The following YJU2 variants were observed in gnomAD, a reference collection of about 807,000 sequenced individuals.
YJU2 encodes YJU2 splicing factor homolog.
A neutral mutation model predicts 39.6 loss-of-function variants in YJU2; 28 were observed. The observed-to-expected ratio is 0.71, with a 90% confidence interval of 0.52 to 0.97. The LOEUF (loss-of-function observed/expected upper bound fraction) is 0.97, where lower values mean the gene tolerates loss of function less well. YJU2 is among the 50% of genes least tolerant of loss of function. The pLI is 0.00. For missense variants in YJU2, 328 were observed against 430.4 expected (o/e 0.76, Z 2.11); for synonymous variants, 184 against 182.4 (o/e 1.01, Z -0.07).
chr19:4,256,786 G>A lies in YJU2; in HGVS notation c.406-1456G>A, dbSNP rs189410239. Reference sequence around the variant, plus strand: ...TGTTGGCTGTCAGCCTCAGTTCCTCGCTGTGTGGGGAGCTGCTTGAGCAAC... The same window carrying A: ...TGTTGGCTGTCAGCCTCAGTTCCTCACTGTGTGGGGAGCTGCTTGAGCAAC... On this transcript the variant is annotated intron_variant, in intron 4 of 7. Transcript: ENST00000262962. 4.4e-3 allele frequency among the ~76,000 whole-genome samples: 670 copies of A among 152,220 alleles called. 2 individuals are homozygous for A. Among genetic ancestry groups the A allele is most frequent in the Non-Finnish European group, 5.4e-3 (368 of 68,038 alleles).
In YJU2 at chr19:4,258,103, G is replaced by T. The variant is rs1971037214; in HGVS notation, c.406-139G>T. 3 of 1,272,656 alleles carry T rather than the reference G, an allele frequency of 2.4e-6. No individual in the cohort carries two copies. In the Admixed American group the frequency reaches 7.7e-5, roughly 33 times the overall value. 78.8% of individuals were successfully genotyped at this position (1,272,656 alleles called of 1,614,324 possible). Reference sequence around the variant, plus strand: ...TGAAATGGACACAGCGCTGGGCATGGGCAGGGGGTTCCCTGAGCAGGATGG... The same window carrying T: ...TGAAATGGACACAGCGCTGGGCATGTGCAGGGGGTTCCCTGAGCAGGATGG... On this transcript the variant is annotated intron_variant, in intron 4 of 7. Transcript: ENST00000262962.
chr19:4,262,997 C>G (rs1971084511), intron 6 of YJU2, among the ~76,000 whole-genome samples: 1 of 151,138 alleles, frequency 6.6e-6, no homozygotes, highest in South Asian at 2.1e-4. Flanking sequence ...TCGCTTGAAC[C>G]CGGGAGGCGG....
At chr19:4,262,571 C>G (rs1454445770) in intron 6 of YJU2, among the ~76,000 whole-genome samples, 1 of 152,096 alleles carries the variant, frequency 6.6e-6, no homozygotes, top group Non-Finnish European at 1.5e-5. Flanking sequence ...CCAAAACACC[C>G]ATGATCAGGT....
chr19:4,257,173 A>G (rs560305512), intron 4 of YJU2, among the ~76,000 whole-genome samples: 2 of 152,276 alleles, frequency 1.3e-5, no homozygotes, highest in African/African-American at 4.8e-5. Context: ...CGCCTCCCTC[A>G]GCCTCAGTTT....
At chr19:4,253,663 T>A (rs1970996005) in intron 3 of YJU2, among the ~76,000 whole-genome samples, 1 of 152,212 alleles carries the variant, frequency 6.6e-6, no homozygotes, top group Admixed American at 6.6e-5. Context: ...CACTTTTCTG[T>A]TCCAGTGTGT....
At chr19:4,257,360 C>T (rs1971029790) in intron 4 of YJU2, among the ~76,000 whole-genome samples, 1 of 152,228 alleles carries the variant, frequency 6.6e-6, no homozygotes, top group African/African-American at 2.4e-5. Context: ...TTGGCACGAT[C>T]TGAGCTCAGT....
chr19:4,267,697 C>A lies in YJU2; in HGVS notation c.782C>A (p.Ser261Ter), dbSNP rs375875903. The change falls in exon 7 of 8, where the codon TCG (serine) becomes TAG (stop). Residue 261 changes from serine (S) to a stop codon, truncating the protein, a stop_gained. Coordinates refer to ENST00000262962, the MANE Select transcript of YJU2 (RefSeq NM_018074.6). LOFTEE classifies it high-confidence loss of function. Reference protein sequence around the residue: ...VGSLGSRPPLSRLVVVKKAKA... With the variant: ...VGSLGSRPPL ...AGCCTGGGCAGCCGGCCCCCGCTGT[C>A]GAGGCTGGTCGTGGTGAAGAAGGCA... is the stretch of plus-strand genomic sequence containing the variant. 6.2e-7 allele frequency: 1 copy of A among 1,613,358 alleles called. No homozygotes were observed.
In YJU2 at chr19:4,247,100, C is replaced by T. The variant is rs543948001; in HGVS notation, c.-47C>T. The T allele has an allele frequency of 1.3e-6, 2 of 1,592,372 alleles. No homozygotes were observed. Among genetic ancestry groups the T allele is most frequent in the African/African-American group, 2.7e-5 (2 of 74,628 alleles). On this transcript the variant is annotated 5_prime_UTR_variant, in exon 1 of 8. Coordinates refer to ENST00000262962, the MANE Select transcript of YJU2 (RefSeq NM_018074.6). ...CCGTCGGAAAAGCTCGATAATTACC[C>T]AGCCTAACCATTTCTCAGGTGCTTG...
chr19:4,250,911 G>A, intron 2 of YJU2, 116 bp from the exon 3 acceptor site: 1 of 1,139,970 alleles, frequency 8.8e-7, no homozygotes, highest in South Asian at 1.5e-5. Context: ...TTGAAGGAGG[G>A]AGCTCCCCGT....
Position 4,258,366 on chromosome 19 carries a change from G to A in YJU2, c.530G>A (p.Arg177His), listed in dbSNP as rs576459938. The A allele has an allele frequency of 1.8e-5, 29 of 1,597,088 alleles. No individual in the cohort carries two copies. The highest frequency in any genetic ancestry group is 1.1e-4 in the Admixed American group (6 of 56,952). Residue 177 changes from arginine (R) to histidine (H), a missense_variant, in exon 5 of 8, where the codon CGC (arginine) becomes CAC (histidine). By Grantham distance (29) the Arg-to-His change is conservative. Around this residue, in one of 2 missense-constraint regions of YJU2, gnomAD observed 244 missense variants for 264.6 expected, o/e 0.92. Transcript: ENST00000262962. ...VDFEAMLRQH[R>H]LSEEERRRQQ... Reference sequence around the variant, plus strand: ...TTCGAGGCTATGCTGAGGCAGCACCGCCTGTCGGAGGAGGAGCGGCGGAGG... The same window carrying A: ...TTCGAGGCTATGCTGAGGCAGCACCACCTGTCGGAGGAGGAGCGGCGGAGG...
chr19:4,250,092 T>G (rs1970963575), intron 2 of YJU2, among the ~76,000 whole-genome samples: 2 of 151,968 alleles, frequency 1.3e-5, no homozygotes, highest in South Asian at 4.2e-4. Flanking sequence ...GCCTCCATCA[T>G]CCCCTCACGG....
At position 4,251,022 on chromosome 19, in the gene YJU2, C is replaced by T. The variant is rs748773857; in HGVS notation, c.126-5C>T. On this transcript the variant is annotated splice_polypyrimidine_tract_variant and splice_region_variant and intron_variant, in intron 2 of 7. Coordinates refer to ENST00000262962, the MANE Select transcript of YJU2 (RefSeq NM_018074.6). ...CAGCTCACATCCCTACATGCTGCCCCGCAGGTGTAAGACGTGCGGAGAATA... is the reference window on the plus strand; with the variant it reads ...CAGCTCACATCCCTACATGCTGCCCTGCAGGTGTAAGACGTGCGGAGAATA... 6.8e-6 allele frequency: 11 copies of T among 1,613,872 alleles called. No homozygotes were observed. Among genetic ancestry groups the T allele is most frequent in the South Asian group, 2.2e-5 (2 of 91,066 alleles).
At chr19:4,262,323 C>T (rs192414887) in intron 6 of YJU2, among the ~76,000 whole-genome samples, 1 of 152,226 alleles carries the variant, frequency 6.6e-6, no homozygotes, top group East Asian at 1.9e-4. Context: ...CTCAGCCTCC[C>T]GAGTAGCTGG....
At chr19:4,261,177 A>G (rs1033666869) in intron 5 of YJU2, among the ~76,000 whole-genome samples, 3 of 152,158 alleles carry the variant, frequency 2.0e-5, no homozygotes, top group African/African-American at 7.2e-5. Context: ...TACAGACATC[A>G]GCCACCATGT....
In YJU2 at chr19:4,267,754, C is replaced by A. The variant is rs1971128058; in HGVS notation, c.839C>A (p.Pro280His). 1.9e-6 allele frequency: 3 copies of A among 1,612,372 alleles called. No individual in the cohort carries two copies. In the African/African-American group the frequency reaches 4.0e-5, roughly 22 times the overall value. The change falls in exon 7 of 8, where the codon CCT (proline) becomes CAT (histidine). Residue 280 changes from proline (P) to histidine (H), a missense_variant. Around this residue, in one of 2 missense-constraint regions of YJU2, gnomAD observed 244 missense variants for 264.6 expected, o/e 0.92. Coordinates refer to ENST00000262962, the MANE Select transcript of YJU2 (RefSeq NM_018074.6). ...GACCCGGACTGCAGCAACGGGCAGCCTCAGGCGGCCCCCACCCCAGGTAAG... is the reference window on the plus strand; with the variant it reads ...GACCCGGACTGCAGCAACGGGCAGCATCAGGCGGCCCCCACCCCAGGTAAG... ...KADPDCSNGQ[P>H]QAAPTPGAPQ...
rs536631772 is a variant in YJU2, at chr19:4,255,706, T to C, written c.405+1217T>C. 2.3e-3 allele frequency among the ~76,000 whole-genome samples: 281 copies of C among 123,114 alleles called. 1 individual carries two copies. Among genetic ancestry groups the C allele is most frequent in the African/African-American group, 8.4e-3 (264 of 31,306 alleles). 80.8% of individuals were successfully genotyped at this position (123,114 alleles called of 152,430 possible). A position where few individuals can be genotyped will look rare whatever the true frequency, so the allele number is the denominator to read the frequency against. ...TCATGCCACTGCACTCCAGCCTGGGTGACAGAGCAAGATTCTGTGTCAAAA... is the reference window on the plus strand; with the variant it reads ...TCATGCCACTGCACTCCAGCCTGGGCGACAGAGCAAGATTCTGTGTCAAAA... On this transcript the variant is annotated intron_variant, in intron 4 of 7. Transcript: ENST00000262962.
chr19:4,262,425 CTT>C (rs1220493206), intron 6 of YJU2, among the ~76,000 whole-genome samples: 1 of 152,008 alleles, frequency 6.6e-6, no homozygotes, highest in African/African-American at 2.4e-5. Context: ...GTCTCAATCT[CTT>C]CACCTCGTGA....
chr19:4,254,647 T>C (rs747165989), intron 4 of YJU2, among the ~76,000 whole-genome samples, 158 bp downstream of exon 4: 5 of 151,916 alleles, frequency 3.3e-5, no homozygotes, highest in Admixed American at 6.6e-5. Context: ...AGGCCAGGCA[T>C]AGTGGCTCAT....
intron 1 of YJU2, among the ~76,000 whole-genome samples, chr19:4,247,656 T>C (rs1176659635): frequency 0.01 from 661 of 64,350 alleles, 77 homozygotes; most frequent in African/African-American, 0.016. Flanking sequence ...TGTGTGTGTG[T>C]GTGTGTGTGT....
Sources: gnomAD v4.1 joint callset for allele counts (sites outside exome capture counted in the v4.1 genomes callset) on GRCh38, gnomAD v4.1.1 for gene constraint, gnomAD v4.1.1 regional missense constraint, MANE v1.5 for transcripts, NCBI Gene and HGNC (gene_info 2026-07-23, HGNC 2026-07-21) for gene names.